Variants in GUCY1A2 observed in about 807,000 individuals in gnomAD.
GUCY1A2 encodes guanylate cyclase 1 soluble subunit alpha 2.
In GUCY1A2, 27 loss-of-function variants were observed where a neutral mutation model predicts 63.5. That is an observed-to-expected ratio of 0.43 (90% CI 0.31 to 0.59). GUCY1A2 has a LOEUF of 0.59. Ranked by LOEUF, GUCY1A2 falls within the 20% of genes least tolerant of loss-of-function variation. GUCY1A2 has a pLI of 0.11. For missense variants in GUCY1A2, 768 were observed against 913.3 expected, an observed-to-expected ratio of 0.84 and a Z score of 2.05; for synonymous variants, 364 against 343.5, an observed-to-expected ratio of 1.06 and a Z score of -0.66.
At chr11:106,807,271 T>C (rs2135422526) in intron 5 of GUCY1A2, among the ~76,000 whole-genome samples, 1 of 152,366 alleles carries the variant, frequency 6.6e-6, no homozygotes, top group African/African-American at 2.4e-5. Context: ...ATTAAAAATC[T>C]GGCAAATAGT....
intron 6 of GUCY1A2, among the ~76,000 whole-genome samples, chr11:106,725,983 G>T (rs1221483995): frequency 2.0e-5 from 3 of 152,134 alleles, no homozygotes; most frequent in African/African-American, 7.2e-5. Context: ...TTTTCAGCTG[G>T]TAGGCTGGAA....
At chr11:106,875,286 C>T (rs1217150689) in intron 4 of GUCY1A2, among the ~76,000 whole-genome samples, 1 of 152,094 alleles carries the variant, frequency 6.6e-6, no homozygotes, top group Non-Finnish European at 1.5e-5. Context: ...CCATGACAAA[C>T]ATGCCACAGA....
chr11:106,708,574 C>A lies in GUCY1A2; in HGVS notation c.1929G>T (p.Leu643=), dbSNP rs754587448. The A allele has an allele frequency of 6.2e-7, 1 of 1,613,036 alleles. No individual in the cohort carries two copies. Among genetic ancestry groups the A allele is most frequent in the Non-Finnish European group, 8.5e-7 (1 of 1,179,434 alleles). ...RYCLFGNNVT[L]ASKFESGSHP... is the part of the protein sequence containing the mutation. ...GACTTCCCGACTCGAATTTGCTTGC[C>A]AGTGTGACATTATTTCCAAACAGGC... Residue 643 remains leucine (L), a synonymous_variant, in exon 7 of 8, where the codon CTG becomes CTT. Coordinates refer to ENST00000526355, the MANE Select transcript of GUCY1A2 (RefSeq NM_000855.3).
chr11:106,845,383 A>G (rs7944273), intron 4 of GUCY1A2, among the ~76,000 whole-genome samples: 3 of 151,442 alleles, frequency 2.0e-5, no homozygotes, highest in African/African-American at 7.3e-5. Flanking sequence ...TATATTTACA[A>G]TTGGGTGTTT....
chr11:107,017,721 G>T, intron 1 of GUCY1A2, 32 bp downstream of exon 1: 2 of 1,284,846 alleles, frequency 1.6e-6, no homozygotes, highest in Non-Finnish European at 2.0e-6. Flanking sequence ...TCTCTCCCCC[G>T]AAGGCGGTCC....
At chr11:106,904,527 C>T (rs1405279626) in intron 4 of GUCY1A2, among the ~76,000 whole-genome samples, 1 of 152,022 alleles carries the variant, frequency 6.6e-6, no homozygotes, top group Non-Finnish European at 1.5e-5. Flanking sequence ...CAATCAATTT[C>T]AGAGTGTTTC....
intron 3 of GUCY1A2, among the ~76,000 whole-genome samples, chr11:106,966,831 T>G (rs186892728): frequency 2.9e-3 from 434 of 152,216 alleles, no homozygotes; most frequent in African/African-American, 9.8e-3. Context: ...AAAGCAAAAA[T>G]GTACTGACAA....
At position 106,939,711 on chromosome 11, in the gene GUCY1A2, T is replaced by A. The variant is rs769054219; in HGVS notation, c.955A>T (p.Ser319Cys). Residue 319 changes from serine (S) to cysteine (C), a missense_variant, in exon 4 of 8, where the codon AGC becomes TGC. By Grantham distance (112) the Ser-to-Cys change is moderately radical. Coordinates refer to ENST00000526355, the MANE Select transcript of GUCY1A2 (RefSeq NM_000855.3). ...TSQVPADLRI[S>C]INTFCRAFPF... ...AAGGCTCTACAGAAGGTGTTGATGC[T>A]AATTCTGAGGTCCGCAGGAACTTGG... 3 of 1,613,728 alleles carry A rather than the reference T, an allele frequency of 1.9e-6. No homozygotes were observed. In the East Asian group the frequency reaches 6.7e-5, roughly 36 times the overall value.
At chr11:106,747,649 A>G (rs1863813311) in intron 6 of GUCY1A2, among the ~76,000 whole-genome samples, 1 of 152,180 alleles carries the variant, frequency 6.6e-6, no homozygotes, top group Non-Finnish European at 1.5e-5. Flanking sequence ...TTTATTCTCC[A>G]ATAACTGGAA....
rs532509406 is a variant in GUCY1A2, at chr11:106,684,797, C to A, written c.*2752G>T. The A allele has an allele frequency of 2.4e-5, 5 of 209,900 alleles. No individual in the cohort carries two copies. Among genetic ancestry groups the A allele is most frequent in the African/African-American group, 9.1e-5 (4 of 44,126 alleles). 13.0% of individuals were successfully genotyped at this position (209,900 alleles called of 1,614,324 possible). ...ACACAAATTTCTTGTATCTGCCATA[C>A]TAAAATGCATGCTGTTGGTAATAGT... On this transcript the variant is annotated 3_prime_UTR_variant, in exon 8 of 8. Coordinates refer to ENST00000526355, the MANE Select transcript of GUCY1A2 (RefSeq NM_000855.3).
intron 4 of GUCY1A2, among the ~76,000 whole-genome samples, chr11:106,927,019 A>G (rs1170576164): frequency 1.3e-5 from 2 of 149,122 alleles, no homozygotes; most frequent in African/African-American, 4.9e-5. Flanking sequence ...TATCTACTTA[A>G]AAACAAAAAA....
chr11:106,709,645 A>ATAGT lies in GUCY1A2; in HGVS notation c.1837-980_1837-979insACTA, dbSNP rs1491134308. 2.5e-5 allele frequency among the ~76,000 whole-genome samples: 2 copies of ATAGT among 79,276 alleles called. 1 individual carries two copies. Among genetic ancestry groups the ATAGT allele is most frequent in the East Asian group, 5.9e-4 (2 of 3,394 alleles). 52.0% of individuals were successfully genotyped at this position (79,276 alleles called of 152,430 possible). A position where few individuals can be genotyped will look rare whatever the true frequency, so the allele number is the denominator to read the frequency against. ...TGTATATATTATATACACGTATAGA[A>ATAGT]TATATAGTTATATACACGTATAGAA... On this transcript the variant is annotated intron_variant, in intron 6 of 7. Transcript: ENST00000526355.
At chr11:106,694,478 A>G (rs1463340298) in intron 7 of GUCY1A2, among the ~76,000 whole-genome samples, 5 of 152,186 alleles carry the variant, frequency 3.3e-5, no homozygotes, top group Non-Finnish European at 7.3e-5. Flanking sequence ...AATAAGATTG[A>G]CCTGACAAAG....
intron 6 of GUCY1A2, among the ~76,000 whole-genome samples, chr11:106,730,222 G>C (rs1312065789): frequency 6.6e-6 from 1 of 151,192 alleles, no homozygotes; most frequent in Admixed American, 6.6e-5. Context: ...CATCACCCAG[G>C]TAACAAGCAT....
chr11:106,712,302 A>G (rs1863134254), intron 6 of GUCY1A2, among the ~76,000 whole-genome samples: 1 of 152,168 alleles, frequency 6.6e-6, no homozygotes, highest in Admixed American at 6.5e-5. Flanking sequence ...AATCACATTC[A>G]ACATATTTTT....
chr11:107,003,356 TGCTCCCAGTC>T (rs1358088989), intron 1 of GUCY1A2, among the ~76,000 whole-genome samples: 3 of 152,320 alleles, frequency 2.0e-5, no homozygotes, highest in Non-Finnish European at 4.4e-5. Flanking sequence ...TGCTCCCAGC[TGCTCCCAGTC>T]ACCTCCCATC....
chr11:106,905,173 T>C (rs561500356), intron 4 of GUCY1A2, among the ~76,000 whole-genome samples: 56 of 152,256 alleles, frequency 3.7e-4, no homozygotes, highest in Non-Finnish European at 7.1e-4. Context: ...CTTTATTTAA[T>C]GCCTAAACAC....
At chr11:106,744,403 C>T (rs909195343) in intron 6 of GUCY1A2, among the ~76,000 whole-genome samples, 4 of 152,082 alleles carry the variant, frequency 2.6e-5, no homozygotes, top group Non-Finnish European at 4.4e-5. Flanking sequence ...CCCACCACCA[C>T]ACCCGGCTAA....
chr11:106,920,962 C>G (rs990613619), intron 4 of GUCY1A2, among the ~76,000 whole-genome samples: 2 of 152,000 alleles, frequency 1.3e-5, no homozygotes, highest in Admixed American at 1.3e-4. Flanking sequence ...TTGTCTCATT[C>G]AGAATCCTAT....
Sources: gnomAD v4.1 joint callset for allele counts (sites outside exome capture counted in the v4.1 genomes callset) on GRCh38, gnomAD v4.1.1 for gene constraint, MANE v1.5 for transcripts, NCBI Gene and HGNC (gene_info 2026-07-23, HGNC 2026-07-21) for gene names.